Variants in ZEB2 observed in about 807,000 individuals in gnomAD.
The protein encoded by ZEB2 is zinc finger E-box binding homeobox 2.
Under a neutral mutation model 99.9 loss-of-function variants are expected in ZEB2, and 6 were observed. That is an observed-to-expected ratio of 0.06 (90% CI 0.03 to 0.12). The LOEUF is 0.12. Among genes scored for constraint, ZEB2 ranks in the 10% least tolerant of loss-of-function variants. The probability of loss-of-function intolerance (pLI) is 1.00; values close to 1 mark genes in which losing one functional copy is unlikely to be tolerated. For missense variants in ZEB2, 969 were observed against 1,502.8 expected, an observed-to-expected ratio of 0.64 and a Z score of 5.87; for synonymous variants, 517 against 542.5, an observed-to-expected ratio of 0.95 and a Z score of 0.65.
At chr2:144,471,264 A>T (rs1704351151) in intron 2 of ZEB2, among the ~76,000 whole-genome samples, 1 of 152,182 alleles carries the variant, frequency 6.6e-6, no homozygotes, top group African/African-American at 2.4e-5. Flanking sequence ...GACAATAAGT[A>T]AAAGAAGTGC....
At chr2:144,449,061 G>T (rs918950097) in intron 2 of ZEB2, among the ~76,000 whole-genome samples, 1 of 152,228 alleles carries the variant, frequency 6.6e-6, no homozygotes, top group Non-Finnish European at 1.5e-5. Context: ...ACGTGAAGCA[G>T]CCTCAGAAAG....
chr2:144,519,589 G>A (rs1307438308), intron 1 of ZEB2: 1 of 192,800 alleles, frequency 5.2e-6, no homozygotes, highest in African/African-American at 2.4e-5. Flanking sequence ...TCCCCTTGAT[G>A]AGTTTTTATT....
At chr2:144,435,395 G>C (rs1703824042) in intron 2 of ZEB2, among the ~76,000 whole-genome samples, 1 of 151,900 alleles carries the variant, frequency 6.6e-6, no homozygotes. Context: ...ATTTCTTGAG[G>C]TCAGGAGTTT....
chr2:144,430,318 C>T (rs1004718344), intron 2 of ZEB2, among the ~76,000 whole-genome samples: 4 of 152,022 alleles, frequency 2.6e-5, no homozygotes, highest in South Asian at 2.1e-4. Context: ...TGTAAAGAGA[C>T]GTATTGCAAT....
Position 144,465,103 on chromosome 2 carries a change from C to T in ZEB2, c.74-35077G>A, listed in dbSNP as rs541011615. 3.3e-5 allele frequency among the ~76,000 whole-genome samples: 5 copies of T among 152,300 alleles called. No homozygotes were observed. In the East Asian group the frequency reaches 7.7e-4, roughly 24 times the overall value. On this transcript the variant is annotated intron_variant, in intron 2 of 9. Coordinates refer to ENST00000627532, the MANE Select transcript of ZEB2 (RefSeq NM_014795.4). ...GGAAAGAGTAGCTCGTATAAGAAATCTTTACCCCGTTTGTAGACCCCAACA... is the reference window on the plus strand; with the variant it reads ...GGAAAGAGTAGCTCGTATAAGAAATTTTTACCCCGTTTGTAGACCCCAACA...
chr2:144,446,302 T>G (rs1417133583), intron 2 of ZEB2, among the ~76,000 whole-genome samples: 1 of 152,040 alleles, frequency 6.6e-6, no homozygotes, highest in Non-Finnish European at 1.5e-5. Flanking sequence ...TCCTTTCCCC[T>G]CTTTCCGTCC....
intron 2 of ZEB2, among the ~76,000 whole-genome samples, chr2:144,483,117 GAC>G (rs70985858): frequency 0.061 from 7,948 of 130,638 alleles, 269 homozygotes; most frequent in Middle Eastern, 0.083. Context: ...GTTTAGGTAA[GAC>G]ACACACACAC....
intron 4 of ZEB2, among the ~76,000 whole-genome samples, chr2:144,414,836 C>A (rs1200911993): frequency 1.3e-5 from 2 of 151,852 alleles, no homozygotes; most frequent in Non-Finnish European, 2.9e-5. Context: ...TTGAACAGGC[C>A]CTACATACTG....
At chr2:144,511,660 T>C in intron 2 of ZEB2, 5 of 1,287,194 alleles carry the variant, frequency 3.9e-6, no homozygotes, top group Non-Finnish European at 5.1e-6. Context: ...GCTGTTGGCA[T>C]AAACAGAGCT....
At chr2:144,512,056 A>G in intron 2 of ZEB2, 1 of 1,287,222 alleles carries the variant, frequency 7.8e-7, no homozygotes, top group South Asian at 1.2e-5. Context: ...CCATTCAGAC[A>G]ATTGCCCCCT....
At chr2:144,418,780 T>C (rs556799301) in intron 4 of ZEB2, among the ~76,000 whole-genome samples, 1 of 151,856 alleles carries the variant, frequency 6.6e-6, no homozygotes, top group East Asian at 1.9e-4. Flanking sequence ...CTGGGTGCTT[T>C]AAAAATGGCA....
At chr2:144,447,712 C>T (rs1193379375) in intron 2 of ZEB2, among the ~76,000 whole-genome samples, 1 of 152,196 alleles carries the variant, frequency 6.6e-6, no homozygotes, top group Non-Finnish European at 1.5e-5. Flanking sequence ...TAAGGGACTG[C>T]AGCTTCGCAT....
chr2:144,462,576 T>G (rs1357047888), intron 2 of ZEB2: 1 of 152,068 alleles, frequency 6.6e-6, no homozygotes, highest in Non-Finnish European at 1.5e-5. Context: ...ATGATATAAC[T>G]CAAGTGCTAT....
At position 144,512,165 on chromosome 2, in the gene ZEB2, G is replaced by T. The variant is rs142887210; in HGVS notation, c.73+5113C>A. The T allele has an allele frequency of 2.5e-4, 323 of 1,287,226 alleles. No individual in the cohort carries two copies. In the African/African-American group the frequency reaches 4.4e-3, roughly 18 times the overall value. The allele number at this position is 1,287,226 out of a possible 1,614,324, so 79.7% of individuals were successfully genotyped here. The stretch of plus-strand genomic sequence containing the variant: ...CATTAGGGCAGACAATCAATTGTCT[G>T]TGAGCATTGCAAACCTGCACTCCCT... On this transcript the variant is annotated intron_variant, in intron 2 of 9. Coordinates refer to ENST00000627532, the MANE Select transcript of ZEB2 (RefSeq NM_014795.4).
intron 2 of ZEB2, chr2:144,512,667 C>A: frequency 7.8e-7 from 1 of 1,287,180 alleles, no homozygotes; most frequent in South Asian, 1.2e-5. Context: ...GGTGGACTGT[C>A]ACTCTATGGA....
At chr2:144,511,302 G>C in intron 2 of ZEB2, 3 of 865,794 alleles carry the variant, frequency 3.5e-6, no homozygotes, top group Non-Finnish European at 4.5e-6. Context: ...TACACGCATG[G>C]ATGGCTTTTC....
chr2:144,498,006 A>AATATATATTAATAATATATATTATATT (rs1440515380), intron 2 of ZEB2, among the ~76,000 whole-genome samples: 2 of 6,222 alleles, frequency 3.2e-4, no homozygotes, highest in African/African-American at 1.2e-3. Context: ...TATATTATAT[A>AATATATATTAATAATATATATTATATT]ATATATTAAT....
In ZEB2 at chr2:144,429,899, G is replaced by A; in HGVS notation, c.201C>T (p.Asn67=). 1.2e-6 allele frequency: 2 copies of A among 1,613,838 alleles called. No homozygotes were observed. The highest frequency in any genetic ancestry group is 1.7e-6 in the Non-Finnish European group (2 of 1,179,890). The change falls in exon 3 of 10, where the codon AAC becomes AAT. Residue 67 remains asparagine, a synonymous_variant. Transcript: ENST00000627532. The stretch of plus-strand genomic sequence containing the variant: ...GGCTCACGTGTGGGGAGGACTCATG[G>A]TTGGGCACACTAGCTGGACTCGTCT... ...DQETSPASVP[N]HESSPHVSQA... is the part of the protein sequence containing the mutation.
chr2:144,408,417 A>G (rs549086345), intron 4 of ZEB2, among the ~76,000 whole-genome samples: 1 of 152,320 alleles, frequency 6.6e-6, no homozygotes, highest in Admixed American at 6.5e-5. Flanking sequence ...TAAATACTTG[A>G]AAGAGTTTGA....
Sources: allele counts gnomAD v4.1 joint callset (sites outside exome capture counted in the v4.1 genomes callset), GRCh38; gene constraint gnomAD v4.1.1; transcripts MANE v1.5; gene names NCBI Gene and HGNC (gene_info 2026-07-23, HGNC 2026-07-21).